The following HDAC9 variants were observed in gnomAD, a reference collection of about 807,000 sequenced individuals.
HDAC9 encodes MEF-2 interacting transcription repressor (MITR) protein.
Under a neutral mutation model 139.4 loss-of-function variants are expected in HDAC9, and 41 were observed. That is an observed-to-expected ratio of 0.29 (90% confidence interval 0.23 to 0.38). The LOEUF (loss-of-function observed/expected upper bound fraction) is 0.38. HDAC9 is among the 10% of genes least tolerant of loss of function. The pLI is 1.00. For synonymous variants in HDAC9, 517 were observed against 476.2 expected, an observed-to-expected ratio of 1.09 and a Z score of -1.12; for missense variants, 1,147 against 1,297.0, an observed-to-expected ratio of 0.88 and a Z score of 1.78.
At position 18,786,523 on chromosome 7, in the gene HDAC9, T is replaced by C. The variant is rs1268286475; in HGVS notation, c.2215-6822T>C. 2.1e-5 allele frequency among the ~76,000 whole-genome samples: 3 copies of C among 140,634 alleles called. No homozygotes were observed. In the East Asian group the frequency reaches 6.1e-4, roughly 29 times the overall value. 92.3% of individuals were successfully genotyped at this position (140,634 alleles called of 152,430 possible). A position where few individuals can be genotyped will look rare whatever the true frequency, so the allele number is the denominator to read the frequency against. On this transcript the variant is annotated intron_variant, in intron 16 of 25. Coordinates refer to ENST00000686413, the MANE Select transcript of HDAC9 (RefSeq NM_178425.4). ...CTTCCTTCCTCTCTCTCATGTACTTTTTGCTCACATACACTTCCTGTGTCC... is the reference window on the plus strand; with the variant it reads ...CTTCCTTCCTCTCTCTCATGTACTTCTTGCTCACATACACTTCCTGTGTCC...
chr7:18,532,861 G>A lies in HDAC9; in HGVS notation c.22+36537G>A, dbSNP rs116276339. Among the ~76,000 whole-genome samples, 929 of 150,764 alleles carry A rather than the reference G, an allele frequency of 6.2e-3. 7 individuals are homozygous for A. The highest frequency in any genetic ancestry group is 0.022 in the African/African-American group (898 of 41,002). ...TTTAATATTTCTAAATAACATATCC[G>A]TTTAGAAAATTATTTGTTTATGCAT... On this transcript the variant is annotated intron_variant, in intron 2 of 25. Coordinates refer to ENST00000686413, the MANE Select transcript of HDAC9 (RefSeq NM_178425.4).
intron 14 of HDAC9, among the ~76,000 whole-genome samples, chr7:18,759,384 C>A (rs1430241485): frequency 6.6e-6 from 1 of 151,974 alleles, no homozygotes; most frequent in Non-Finnish European, 1.5e-5. Flanking sequence ...CATTAGATTC[C>A]CAGAGGAGCG....
intron 1 of HDAC9, among the ~76,000 whole-genome samples, chr7:18,372,819 G>A (rs1240236157): frequency 6.6e-6 from 1 of 152,154 alleles, no homozygotes; most frequent in Non-Finnish European, 1.5e-5. Context: ...GTGACTGGCT[G>A]TTACAGATTG....
intron 2 of HDAC9, among the ~76,000 whole-genome samples, chr7:18,261,463 C>T (rs558998958): frequency 6.6e-6 from 1 of 151,936 alleles, no homozygotes; most frequent in Non-Finnish European, 1.5e-5. Context: ...AAACATATAC[C>T]ACAGTTCAGT....
intron 19 of HDAC9, among the ~76,000 whole-genome samples, chr7:18,830,978 G>A (rs1013651093): frequency 6.6e-6 from 1 of 152,182 alleles, no homozygotes; most frequent in Non-Finnish European, 1.5e-5. Flanking sequence ...AAAATAGTAT[G>A]CTCCTCTTTC....
chr7:18,506,309 G>A (rs1799754071), intron 2 of HDAC9, among the ~76,000 whole-genome samples: 1 of 152,134 alleles, frequency 6.6e-6, no homozygotes, highest in South Asian at 2.1e-4. Flanking sequence ...CTGTCTCAGA[G>A]CACACAGGAC....
chr7:18,596,091 T>C (rs903766004), intron 6 of HDAC9, among the ~76,000 whole-genome samples: 14 of 152,068 alleles, frequency 9.2e-5, no homozygotes, highest in Non-Finnish European at 2.1e-4. Context: ...TTTCTAGAGG[T>C]ATTTTTTCTG....
At chr7:18,687,427 T>G (rs1347604793) in intron 12 of HDAC9, among the ~76,000 whole-genome samples, 3 of 151,884 alleles carry the variant, frequency 2.0e-5, no homozygotes, top group African/African-American at 2.4e-5. Flanking sequence ...CAACAATATT[T>G]TTATGTTATA....
intron 2 of HDAC9, among the ~76,000 whole-genome samples, chr7:18,580,881 C>A (rs1827608930): frequency 6.6e-6 from 1 of 152,096 alleles, no homozygotes; most frequent in South Asian, 2.1e-4. Flanking sequence ...GAAACTCAGT[C>A]CTGGTATTGT....
At chr7:18,865,569 A>G (rs1053526166) in intron 21 of HDAC9, among the ~76,000 whole-genome samples, 2 of 152,072 alleles carry the variant, frequency 1.3e-5, no homozygotes, top group African/African-American at 4.8e-5. Context: ...GCCCATGGTA[A>G]ACCTTCATTT....
At chr7:18,124,955 G>A (rs1041134932) in intron 1 of HDAC9, among the ~76,000 whole-genome samples, 3 of 151,698 alleles carry the variant, frequency 2.0e-5, no homozygotes, top group African/African-American at 4.8e-5. Flanking sequence ...GTGGTTGTTG[G>A]GGGAAGCTTC....
chr7:18,825,694 G>T (rs929899964), intron 17 of HDAC9, among the ~76,000 whole-genome samples: 1 of 149,310 alleles, frequency 6.7e-6, no homozygotes, highest in Non-Finnish European at 1.5e-5. Flanking sequence ...TAAGGACAAA[G>T]ATTTTATATA....
intron 22 of HDAC9, among the ~76,000 whole-genome samples, chr7:18,875,268 GTA>G (rs373329623): frequency 6.6e-6 from 1 of 151,746 alleles, no homozygotes; most frequent in Non-Finnish European, 1.5e-5. Context: ...GGGAAAAAAG[GTA>G]TATATATATA....
intron 24 of HDAC9, among the ~76,000 whole-genome samples, chr7:18,956,575 C>G (rs1783163962): frequency 6.6e-6 from 1 of 152,108 alleles, no homozygotes; most frequent in Non-Finnish European, 1.5e-5. Flanking sequence ...ACCAGAGCTC[C>G]TCCTTCTGAG....
chr7:18,270,676 A>G lies in HDAC9; in HGVS notation c.25+108327A>G, dbSNP rs75231059. Among the ~76,000 whole-genome samples, 137 of 152,304 alleles carry G rather than the reference A, an allele frequency of 9.0e-4. 1 individual carries two copies. The East Asian group carries it at 0.023, about 26-fold the overall frequency. ...TATTATTTCTTGGTGAAAAAAGAGTAGGAGGAAAAATGCTAAATTATTAGT... is the reference window on the plus strand; with the variant it reads ...TATTATTTCTTGGTGAAAAAAGAGTGGGAGGAAAAATGCTAAATTATTAGT... On this transcript the variant is annotated intron_variant, in intron 2 of 12. Transcript: ENST00000417496.
chr7:18,155,347 C>T (rs1407571570), intron 1 of HDAC9, among the ~76,000 whole-genome samples: 7 of 151,856 alleles, frequency 4.6e-5, no homozygotes, highest in East Asian at 1.9e-4. Context: ...TACTGGATAC[C>T]CTGGGGCTAA....
chr7:18,150,511 A>T (rs908909118), intron 1 of HDAC9, among the ~76,000 whole-genome samples: 1 of 152,210 alleles, frequency 6.6e-6, no homozygotes, highest in African/African-American at 2.4e-5. Flanking sequence ...AAGCATGATT[A>T]TAAAAATAAT....
chr7:18,679,329 G>A (rs900479991), intron 12 of HDAC9, among the ~76,000 whole-genome samples: 2 of 151,866 alleles, frequency 1.3e-5, no homozygotes, highest in Non-Finnish European at 2.9e-5. Flanking sequence ...CAGACTGAAT[G>A]GACATTTTTA....
At chr7:18,498,213 C>A (rs1011731292) in intron 2 of HDAC9, among the ~76,000 whole-genome samples, 43 of 152,202 alleles carry the variant, frequency 2.8e-4, no homozygotes, top group African/African-American at 1.0e-3. Flanking sequence ...TCCTGCCATG[C>A]CATATATTTC....
Sources: gnomAD v4.1 joint callset for allele counts (sites outside exome capture counted in the v4.1 genomes callset) on GRCh38, gnomAD v4.1.1 for gene constraint, MANE v1.5 for transcripts, NCBI Gene and HGNC (gene_info 2026-07-23, HGNC 2026-07-21) for gene names.